Variants in LRRC43 observed in about 807,000 individuals in gnomAD.
The protein encoded by LRRC43 is leucine rich repeat containing 43, also known as leucine-rich repeat-containing protein 43.
A neutral mutation model predicts 64.3 loss-of-function variants in LRRC43; 62 were observed. The observed-to-expected ratio is 0.96, with a 90% CI of 0.79 to 1.19. The LOEUF (loss-of-function observed/expected upper bound fraction) is 1.19, where lower values mean the gene tolerates loss of function less well. LRRC43 is among the 50% of genes most tolerant of loss of function. LRRC43 has a pLI of 0.00. For synonymous variants in LRRC43, 422 were observed against 382.3 expected (o/e 1.10, Z -1.21); for missense variants, 868 against 845.0 (o/e 1.03, Z -0.34).
chr12:122,182,625 G>C (rs530103157), upstream of LRRC43, among the ~76,000 whole-genome samples: 21 of 151,680 alleles, frequency 1.4e-4, no homozygotes, highest in East Asian at 1.6e-3. Flanking sequence ...CCCGGGACAC[G>C]GAGATTGCGG....
chr12:122,200,187 A>C lies in LRRC43; in HGVS notation c.1350-2A>C, dbSNP rs1271551072. ...CCCCGTCTTCATCCCTCCCTCCCCAAGGACTGTCCTCTTCAGCACTGCCCA... is the reference window on the plus strand; with the variant it reads ...CCCCGTCTTCATCCCTCCCTCCCCACGGACTGTCCTCTTCAGCACTGCCCA... On this transcript the variant is annotated splice_acceptor_variant, in intron 7 of 11. Coordinates refer to ENST00000339777, the MANE Select transcript of LRRC43 (RefSeq NM_001098519.2). LOFTEE classifies it high-confidence loss of function. The surrounding 1 kb of genome is among the most constrained non-coding windows in gnomAD (Gnocchi z 4.6). 6.2e-7 allele frequency: 1 copy of C among 1,612,154 alleles called. No individual in the cohort carries two copies. The highest frequency in any genetic ancestry group is 1.7e-5 in the Admixed American group (1 of 59,684).
At chr12:122,201,732 G>C (rs1167086781) in intron 11 of LRRC43, among the ~76,000 whole-genome samples, 7 of 152,308 alleles carry the variant, frequency 4.6e-5, no homozygotes, top group African/African-American at 1.7e-4. Flanking sequence ...GGTTCAGAAA[G>C]AACAACCAAC....
Position 122,200,253 on chromosome 12 carries a change from C to T in LRRC43, c.1414C>T (p.Gln472Ter), listed in dbSNP as rs752014878. The change falls in exon 8 of 12, where the codon CAG becomes TAG. Residue 472 changes from glutamine to a stop codon, truncating the protein, a stop_gained. Coordinates refer to ENST00000339777, the MANE Select transcript of LRRC43 (RefSeq NM_001098519.2). LOFTEE classifies it high-confidence loss of function. This position sits in a 1 kb window ranked among gnomAD's most constrained non-coding sequence, Gnocchi z 4.6. ...GGTCATCCCCTGCAGTTACGAGATG[C>T]AGCACTCTCTCAGGGACCTGGTCCC... Reference protein sequence around the residue: ...AEVIPCSYEMQHSLRDLVPLK... With the variant: ...AEVIPCSYEM 2 of 1,613,914 alleles carry T rather than the reference C, an allele frequency of 1.2e-6. No individual in the cohort carries two copies. The highest frequency in any genetic ancestry group is 1.7e-6 in the Non-Finnish European group (2 of 1,180,014).
upstream of LRRC43, among the ~76,000 whole-genome samples, chr12:122,179,767 T>G (rs867228131): frequency 1.3e-5 from 2 of 151,336 alleles, no homozygotes; most frequent in Non-Finnish European, 2.9e-5. Context: ...GGTCAAAAGG[T>G]CGAGACCATC....
At chr12:122,195,308 G>T (rs759510078) in intron 7 of LRRC43, among the ~76,000 whole-genome samples, 2 of 151,830 alleles carry the variant, frequency 1.3e-5, no homozygotes, top group African/African-American at 4.8e-5. Context: ...GAGTGCCGTG[G>T]CTGGATCTTG....
intron 1 of LRRC43, among the ~76,000 whole-genome samples, chr12:122,177,611 C>G (rs890904882): frequency 1.3e-5 from 2 of 151,550 alleles, no homozygotes; most frequent in Non-Finnish European, 2.9e-5. Flanking sequence ...CTCAAGCAGC[C>G]CTCTTACCCC....
chr12:122,192,645 C>A, intron 6 of LRRC43, 100 bp from the exon 7 acceptor site: 1 of 1,394,348 alleles, frequency 7.2e-7, no homozygotes, highest in Non-Finnish European at 9.9e-7. Flanking sequence ...ATGCGTGAAC[C>A]TCATCCAGAT....
At position 122,184,219 on chromosome 12, in the gene LRRC43, C is replaced by G. The variant is rs552499946; in HGVS notation, c.151-300C>G. Among the ~76,000 whole-genome samples the G allele has an allele frequency of 1.2e-4, 19 of 152,098 alleles. No homozygotes were observed. The highest frequency in any genetic ancestry group is 3.4e-3 in the Middle Eastern group (1 of 294). On this transcript the variant is annotated intron_variant, in intron 1 of 11. Coordinates refer to ENST00000339777, the MANE Select transcript of LRRC43 (RefSeq NM_001098519.2). The surrounding 1 kb of genome is among the most constrained non-coding windows in gnomAD (Gnocchi z 4.0). ...AAACGATTCTCCTGCCTTAGCCTCC[C>G]GAGTAGCTGAGACTACAGTTGCGTG...
chr12:122,173,320 C>A (rs1953506008), intron 1 of LRRC43, among the ~76,000 whole-genome samples: 1 of 152,196 alleles, frequency 6.6e-6, no homozygotes, highest in Non-Finnish European at 1.5e-5. Context: ...GGTCTAAATA[C>A]CAAGGCAGAT....
In LRRC43 at chr12:122,184,989, C is replaced by T. The variant is rs1260603824; in HGVS notation, c.411+210C>T. ...AGCCTTGCGTTTCTTCTTCCTTTAC[C>T]CCTGGAAGCCATCATGGCACAGCTT... On this transcript the variant is annotated intron_variant, in intron 2 of 11. Coordinates refer to ENST00000339777, the MANE Select transcript of LRRC43 (RefSeq NM_001098519.2). The surrounding 1 kb of genome is among the most constrained non-coding windows in gnomAD (Gnocchi z 4.0). Among the ~76,000 whole-genome samples, 1 of 152,158 alleles carries T rather than the reference C, an allele frequency of 6.6e-6. No homozygotes were observed. The highest frequency in any genetic ancestry group is 2.4e-5 in the African/African-American group (1 of 41,428).
At chr12:122,177,476 AGTGTGTGTGT>A (rs67103998) in intron 1 of LRRC43, among the ~76,000 whole-genome samples, 8,892 of 143,560 alleles carry the variant, frequency 0.062, 465 homozygotes, top group East Asian at 0.33. Flanking sequence ...TGAGAGAGAA[AGTGTGTGTGT>A]GTGTGTGTGT....
chr12:122,191,805 C>A (rs1953722100), intron 6 of LRRC43, among the ~76,000 whole-genome samples: 1 of 152,050 alleles, frequency 6.6e-6, no homozygotes, highest in Non-Finnish European at 1.5e-5. Context: ...AGGTCCCCAC[C>A]ACTAGGCCCA....
At chr12:122,191,098 C>T (rs1352385644) in intron 5 of LRRC43, among the ~76,000 whole-genome samples, 1 of 152,192 alleles carries the variant, frequency 6.6e-6, no homozygotes, top group Non-Finnish European at 1.5e-5. Flanking sequence ...GAGGCTTCTC[C>T]AGGTCACTGT....
rs568099316 is a variant in LRRC43 at position 122,172,091 on chromosome 12, A to G, written c.-406+4309A>G. On this transcript the variant is annotated intron_variant, in intron 1 of 5. Transcript: ENST00000537729. ...CCGAGGGCTCCCCCAGGGAGCATTG[A>G]CAACTCTTAGTACAATAAATATCAA... 6.3e-4 allele frequency: 129 copies of G among 203,262 alleles called. 1 individual carries two copies. Among genetic ancestry groups the G allele is most frequent in the African/African-American group, 2.9e-3 (125 of 42,734 alleles). The allele number at this position is 203,262 out of a possible 1,614,324, so 12.6% of individuals were successfully genotyped here. A position where few individuals can be genotyped will look rare whatever the true frequency, so the allele number is the denominator to read the frequency against.
In LRRC43 at chr12:122,193,047, A is replaced by G. The variant is rs202029449; in HGVS notation, c.1349+43A>G. The G allele has an allele frequency of 5.0e-5, 80 of 1,599,374 alleles. No individual in the cohort carries two copies. In the Admixed American group the frequency reaches 1.3e-3, roughly 27 times the overall value. On this transcript the variant is annotated intron_variant, in intron 7 of 11. Transcript: ENST00000339777. ...AACCAGGGCAAGTGGTCAGAGCAGT[A>G]GGGTCACGAGCCTAGACCACACTGC...
upstream of LRRC43, among the ~76,000 whole-genome samples, chr12:122,182,378 G>A (rs536200455): frequency 6.6e-6 from 1 of 151,976 alleles, no homozygotes; most frequent in Admixed American, 6.6e-5. Context: ...ACACATTAGC[G>A]GGGCGTTGTG....
chr12:122,176,181 C>A (rs767003214), intron 1 of LRRC43, among the ~76,000 whole-genome samples: 16 of 152,142 alleles, frequency 1.1e-4, no homozygotes, highest in Non-Finnish European at 2.4e-4. Context: ...AAAAGTCTCT[C>A]TGAGAGGTGA....
intron 1 of LRRC43, among the ~76,000 whole-genome samples, chr12:122,170,241 C>T (rs1375188344): frequency 3.9e-5 from 6 of 152,130 alleles, no homozygotes; most frequent in Non-Finnish European, 5.9e-5. Context: ...TGATGTAGGA[C>T]AGTCAAAAAG....
rs566827459 is a variant in LRRC43, at chr12:122,199,627, G to A, written c.1350-562G>A. Among the ~76,000 whole-genome samples the A allele has an allele frequency of 6.0e-5, 9 of 151,130 alleles. No individual in the cohort carries two copies. The South Asian group carries it at 8.4e-4, about 14-fold the overall frequency. On this transcript the variant is annotated intron_variant, in intron 7 of 11. Transcript: ENST00000339777. ...GCAGGAGGGTCTCACTTTGTCGCCC[G>A]GGATCGAGTACAGTGGCATGAACAT...
Sources: allele counts gnomAD v4.1 joint callset (sites outside exome capture counted in the v4.1 genomes callset), GRCh38; gene constraint gnomAD v4.1.1; non-coding constraint Gnocchi (gnomAD v3.1); transcripts MANE v1.5; gene names NCBI Gene and HGNC (gene_info 2026-07-23, HGNC 2026-07-21).